NRIP1: variants seen among roughly 807,000 people sequenced by gnomAD.
NRIP1 encodes nuclear receptor interacting protein 1.
Under a neutral mutation model 75.0 loss-of-function variants are expected in NRIP1, and 28 were observed. That is an observed-to-expected ratio of 0.37 (90% confidence interval 0.28 to 0.51). The LOEUF (loss-of-function observed/expected upper bound fraction) is 0.51. Ranked by LOEUF, NRIP1 falls within the 20% of genes least tolerant of loss-of-function variation. The pLI is 0.92. For synonymous variants in NRIP1, 526 were observed against 487.6 expected (o/e 1.08, Z -1.04); for missense variants, 1,435 against 1,343.7 (o/e 1.07, Z -1.06).
rs763416646 is a variant in NRIP1, at chr21:14,965,924, A to G, written c.2269T>C (p.Ser757Pro). The G allele has an allele frequency of 6.2e-7, 1 of 1,614,082 alleles. No homozygotes were observed. Among genetic ancestry groups the G allele is most frequent in the South Asian group, 1.1e-5 (1 of 91,080 alleles). Reference protein sequence around the residue: ...SEQILMVKIKSEPCDDLQIPN... With the variant: ...SEQILMVKIKPEPCDDLQIPN... ...ATTTGTAAGTCATCACAAGGCTCAG[A>G]TTTTATTTTCACCATCAGTATTTGT... Residue 757 changes from serine (S) to proline (P), a missense_variant, in exon 4 of 4, where the codon TCT becomes CCT. Physicochemically the swap from Ser to Pro is moderately conservative, Grantham distance 74 (BLOSUM62 -1). Transcript: ENST00000318948.
chr21:15,008,826 C>T (rs2088034949), intron 3 of NRIP1, among the ~76,000 whole-genome samples: 1 of 152,156 alleles, frequency 6.6e-6, no homozygotes, highest in African/African-American at 2.4e-5. Flanking sequence ...TACTTTCATA[C>T]TACTAAATGT....
At chr21:15,030,497 T>G (rs1414247465) in intron 2 of NRIP1, among the ~76,000 whole-genome samples, 1 of 152,098 alleles carries the variant, frequency 6.6e-6, no homozygotes, top group Non-Finnish European at 1.5e-5. Context: ...AAACAAGATA[T>G]TTCAATGGAA....
chr21:15,008,176 G>A (rs2088018301), intron 3 of NRIP1, among the ~76,000 whole-genome samples: 1 of 152,084 alleles, frequency 6.6e-6, no homozygotes, highest in Non-Finnish European at 1.5e-5. Flanking sequence ...CAGAACAGGA[G>A]TCACCAGGGC....
Position 14,967,308 on chromosome 21 carries a change from A to G in NRIP1, c.885T>C (p.Ser295=). 6.2e-7 allele frequency: 1 copy of G among 1,614,066 alleles called. No individual in the cohort carries two copies. Among genetic ancestry groups the G allele is most frequent in the Non-Finnish European group, 8.5e-7 (1 of 1,179,988 alleles). The change falls in exon 4 of 4, where the codon AGT becomes AGC. Residue 295 remains serine (S), a synonymous_variant. Coordinates refer to ENST00000318948, the MANE Select transcript of NRIP1 (RefSeq NM_003489.4). ...ATCTGGCCATAGCAGCAAGTCTTTC[A>G]CTTGCTGCTTGATTTGCATTTTGCG... ...LKTQNANQAA[S]ERLAAMARLQ... is the part of the protein sequence containing the mutation.
At chr21:14,983,938 C>T (rs2087318236) in intron 3 of NRIP1, among the ~76,000 whole-genome samples, 1 of 152,210 alleles carries the variant, frequency 6.6e-6, no homozygotes. Flanking sequence ...TACCTGTACA[C>T]TAAGAGCTCT....
intron 3 of NRIP1, among the ~76,000 whole-genome samples, chr21:14,982,398 T>C (rs1044750094): frequency 1.3e-5 from 2 of 152,138 alleles, no homozygotes; most frequent in African/African-American, 4.8e-5. Context: ...ATCCTTACCA[T>C]CCTCATCTTT....
chr21:15,065,732 GCGCCCCGC>G (rs1978832415), upstream of NRIP1: 3 of 152,394 alleles, frequency 2.0e-5, no homozygotes, highest in Non-Finnish European at 4.4e-5. Flanking sequence ...GACCTGAGGA[GCGCCCCGC>G]TCAGCTCCCT....
Position 14,966,708 on chromosome 21 carries a change from G to A in NRIP1, c.1485C>T (p.His495=), listed in dbSNP as rs745996660. Residue 495 remains histidine, a synonymous_variant, in exon 4 of 4, where the codon CAC becomes CAT. Transcript: ENST00000318948. Reference sequence around the variant, plus strand: ...GCAATTGAAGAAGTGTTACTTTCTGGTGTGAGTTTAGCTTAGAATTCTTTG... The same window carrying A: ...GCAATTGAAGAAGTGTTACTTTCTGATGTGAGTTTAGCTTAGAATTCTTTG... ...DTSKNSKLNS[H]QKVTLLQLLL... 1 of 1,614,002 alleles carries A rather than the reference G, an allele frequency of 6.2e-7. No homozygotes were observed. The highest frequency in any genetic ancestry group is 8.5e-7 in the Non-Finnish European group (1 of 1,179,978).
intron 2 of NRIP1, among the ~76,000 whole-genome samples, chr21:15,030,958 A>C (rs1298252044): frequency 3.0e-5 from 4 of 131,504 alleles, no homozygotes; most frequent in East Asian, 2.0e-4. Flanking sequence ...GGATCACCAC[A>C]TTCCCTTTCT....
intron 2 of NRIP1, among the ~76,000 whole-genome samples, chr21:15,021,900 T>C (rs926315625): frequency 2.6e-5 from 4 of 152,280 alleles, no homozygotes; most frequent in Non-Finnish European, 5.9e-5. Flanking sequence ...CAACAGATGC[T>C]GGCAAGGTTG....
intron 2 of NRIP1, among the ~76,000 whole-genome samples, chr21:15,040,617 A>G (rs1394324839): frequency 6.6e-6 from 1 of 152,060 alleles, no homozygotes; most frequent in East Asian, 1.9e-4. Flanking sequence ...AAAGCCTTCA[A>G]TACATGTTAT....
intron 3 of NRIP1, 89 bp from the exon 4 acceptor site, chr21:14,968,615 A>G (rs1450398512): frequency 6.3e-6 from 1 of 159,910 alleles, no homozygotes; most frequent in Admixed American, 6.0e-5. Context: ...GCATCTGTAA[A>G]TGTATATATA....
intron 3 of NRIP1, among the ~76,000 whole-genome samples, chr21:14,986,991 T>TGA (rs2087422928): frequency 2.0e-5 from 3 of 152,210 alleles, no homozygotes; most frequent in South Asian, 4.1e-4. Flanking sequence ...TGAAAAGTCA[T>TGA]CTGCCTAATC....
rs566560231 is a variant in NRIP1 at position 14,963,074 on chromosome 21, G to A, written c.*1642C>T. The A allele has an allele frequency of 6.6e-6, 1 of 152,250 alleles. No homozygotes were observed. The highest frequency in any genetic ancestry group is 2.1e-4 in the South Asian group (1 of 4,820). 9.4% of individuals were successfully genotyped at this position (152,250 alleles called of 1,614,324 possible). A position where few individuals can be genotyped will look rare whatever the true frequency, so the allele number is the denominator to read the frequency against. ...TAATATATTAATTTCTTCTAAGACAGTATCAACATGTACTTTTCATCACTA... is the reference window on the plus strand; with the variant it reads ...TAATATATTAATTTCTTCTAAGACAATATCAACATGTACTTTTCATCACTA... On this transcript the variant is annotated 3_prime_UTR_variant, in exon 4 of 4. Coordinates refer to ENST00000318948, the MANE Select transcript of NRIP1 (RefSeq NM_003489.4).
At chr21:15,032,271 C>T (rs2088721623) in intron 2 of NRIP1, among the ~76,000 whole-genome samples, 1 of 152,202 alleles carries the variant, frequency 6.6e-6, no homozygotes, top group African/African-American at 2.4e-5. Flanking sequence ...ACAAACCACA[C>T]ACTGCCTCAT....
At chr21:14,995,766 C>CAT (rs1555884072) in intron 3 of NRIP1, among the ~76,000 whole-genome samples, 2 of 149,368 alleles carry the variant, frequency 1.3e-5, no homozygotes, top group African/African-American at 2.5e-5. Context: ...GCTGTGTGTG[C>CAT]GTGTGTGTGT....
intron 2 of NRIP1, among the ~76,000 whole-genome samples, chr21:15,025,908 C>A (rs573152442): frequency 8.5e-5 from 13 of 152,078 alleles, no homozygotes; most frequent in Non-Finnish European, 1.8e-4. Flanking sequence ...AAAGATGAGA[C>A]AATAAAATGC....
intron 1 of NRIP1, chr21:15,051,228 C>T: frequency 4.1e-6 from 1 of 245,984 alleles, no homozygotes. Context: ...CCTGGGTCTC[C>T]TTTTCACATG....
intron 1 of NRIP1, among the ~76,000 whole-genome samples, chr21:15,059,075 G>C (rs1177927106): frequency 6.6e-6 from 1 of 152,190 alleles, no homozygotes; most frequent in African/African-American, 2.4e-5. Context: ...TTGTTAATTA[G>C]AAGTCCAAGG....
Sources: gnomAD v4.1 joint callset for allele counts (sites outside exome capture counted in the v4.1 genomes callset) on GRCh38, gnomAD v4.1.1 for gene constraint, MANE v1.5 for transcripts, NCBI Gene and HGNC (gene_info 2026-07-23, HGNC 2026-07-21) for gene names.